The following ZNF521 variants were observed in gnomAD, a reference collection of about 807,000 sequenced individuals.
The protein encoded by ZNF521 is zinc finger protein 521.
In ZNF521, 14 loss-of-function variants were observed where a neutral mutation model predicts 105.5. The observed-to-expected ratio is 0.13, with a 90% CI of 0.09 to 0.21. The LOEUF (loss-of-function observed/expected upper bound fraction) is 0.21, where lower values mean the gene tolerates loss of function less well. Ranked by LOEUF, ZNF521 falls within the 10% of genes least tolerant of loss-of-function variation. The pLI is 1.00. For missense variants in ZNF521, 1,233 were observed against 1,629.7 expected, an observed-to-expected ratio of 0.76 and a Z score of 4.19; for synonymous variants, 635 against 606.0, an observed-to-expected ratio of 1.05 and a Z score of -0.70.
chr18:25,286,898 G>A (rs1910735554), intron 3 of ZNF521, among the ~76,000 whole-genome samples: 1 of 152,160 alleles, frequency 6.6e-6, no homozygotes, highest in Admixed American at 6.5e-5. Context: ...ACATACAAGG[G>A]TGGTTTCAAT....
At chr18:25,096,884 G>A (rs2033862886) in intron 5 of ZNF521, among the ~76,000 whole-genome samples, 1 of 152,138 alleles carries the variant, frequency 6.6e-6, no homozygotes, top group South Asian at 2.1e-4. Flanking sequence ...TGATCTGAGT[G>A]GGAGTAAACT....
rs113622301 is a variant in ZNF521, at chr18:25,113,749, G to A, written c.3659-21668C>T. Among the ~76,000 whole-genome samples the A allele has an allele frequency of 1.4e-4, 7 of 48,444 alleles. 1 individual carries two copies. The highest frequency in any genetic ancestry group is 1.2e-3 in the South Asian group (1 of 810). The allele number at this position is 48,444 out of a possible 152,430, so 31.8% of individuals were successfully genotyped here. A position where few individuals can be genotyped will look rare whatever the true frequency, so the allele number is the denominator to read the frequency against. On this transcript the variant is annotated intron_variant, in intron 5 of 7. Transcript: ENST00000361524. The stretch of plus-strand genomic sequence containing the variant: ...AGACAGACAGACAGGCAGGCAGACC[G>A]AAGGACGGACGGACACACACACACA...
intron 7 of ZNF521, among the ~76,000 whole-genome samples, chr18:25,063,455 T>C (rs1489615468): frequency 6.6e-6 from 1 of 152,170 alleles, no homozygotes; most frequent in African/African-American, 2.4e-5. Context: ...TGCTGTATAT[T>C]GGTGGTCCCT....
chr18:25,192,406 T>C lies in ZNF521; in HGVS notation c.3658+2754A>G, dbSNP rs979804836. On this transcript the variant is annotated intron_variant, in intron 5 of 7. Coordinates refer to ENST00000361524, the MANE Select transcript of ZNF521 (RefSeq NM_015461.3). ...AGACCAGCACATCCAGAAAGATGTG[T>C]GGCGGTTGCTTGACACTGAGATTGC... Among the ~76,000 whole-genome samples, 6 of 152,184 alleles carry C rather than the reference T, an allele frequency of 3.9e-5. 1 individual carries two copies. In the East Asian group the frequency reaches 9.7e-4, roughly 25 times the overall value.
At chr18:25,110,518 G>C (rs1050593327) in intron 5 of ZNF521, among the ~76,000 whole-genome samples, 1 of 152,178 alleles carries the variant, frequency 6.6e-6, no homozygotes, top group South Asian at 2.1e-4. Context: ...AGGGTTATAA[G>C]GGATTTCAAG....
At chr18:25,316,038 CCT>C (rs1912589361) in intron 3 of ZNF521, among the ~76,000 whole-genome samples, 1 of 152,060 alleles carries the variant, frequency 6.6e-6, no homozygotes, top group Non-Finnish European at 1.5e-5. Context: ...CTCAGGATTC[CCT>C]CTTTCTTTAC....
chr18:25,346,514 G>A (rs1914471715), intron 2 of ZNF521, among the ~76,000 whole-genome samples: 1 of 152,012 alleles, frequency 6.6e-6, no homozygotes, highest in Admixed American at 6.5e-5. Context: ...AAAGGTTTCA[G>A]GCTTAAAATC....
chr18:25,149,595 G>A (rs1448476370), intron 5 of ZNF521, among the ~76,000 whole-genome samples: 2 of 152,128 alleles, frequency 1.3e-5, no homozygotes, highest in Non-Finnish European at 2.9e-5. Flanking sequence ...GTTGCACCCC[G>A]ATGTTCTATC....
rs1433028031 is a variant in ZNF521 at position 25,252,500 on chromosome 18, CAG to C, written c.221-24805_221-24804del. The stretch of plus-strand genomic sequence containing the variant: ...AAATCTAATACTTCACGGAAAAATA[CAG>C]AGGACTACATTGCAACTTATTTACC... On this transcript the variant is annotated intron_variant, in intron 3 of 7. Transcript: ENST00000361524. 2.0e-5 allele frequency among the ~76,000 whole-genome samples: 3 copies of C among 151,940 alleles called. No homozygotes were observed. The East Asian group carries it at 5.8e-4, about 29-fold the overall frequency.
At chr18:25,264,530 T>C (rs550148446) in intron 3 of ZNF521, among the ~76,000 whole-genome samples, 69 of 152,318 alleles carry the variant, frequency 4.5e-4, no homozygotes, top group African/African-American at 1.6e-3. Flanking sequence ...TTTGTCCATA[T>C]TAAACATATT....
chr18:25,283,928 C>A (rs916396296), intron 3 of ZNF521, among the ~76,000 whole-genome samples: 3 of 141,758 alleles, frequency 2.1e-5, no homozygotes, highest in East Asian at 2.4e-4. Context: ...ACTTTCCCCC[C>A]CCCCCAAAAA....
In ZNF521 at chr18:25,292,053, T is replaced by C. The variant is rs183170116; in HGVS notation, c.220+29955A>G. On this transcript the variant is annotated intron_variant, in intron 3 of 7. Coordinates refer to ENST00000361524, the MANE Select transcript of ZNF521 (RefSeq NM_015461.3). ...TATTGAAAGAAAAAAAGGAGGGGAA[T>C]AAAAAGAAGAAAAAGTGCTATCCAA... Among the ~76,000 whole-genome samples, 27 of 152,196 alleles carry C rather than the reference T, an allele frequency of 1.8e-4. No individual in the cohort carries two copies. In the South Asian group the frequency reaches 5.2e-3, roughly 29 times the overall value.
intron 5 of ZNF521, among the ~76,000 whole-genome samples, chr18:25,186,044 A>G (rs2035716155): frequency 6.6e-6 from 1 of 152,210 alleles, no homozygotes; most frequent in Non-Finnish European, 1.5e-5. Flanking sequence ...TCAGGTTAAT[A>G]TGACTGAAAA....
At chr18:25,156,286 C>G (rs2035142988) in intron 5 of ZNF521, among the ~76,000 whole-genome samples, 1 of 152,148 alleles carries the variant, frequency 6.6e-6, no homozygotes, top group Admixed American at 6.5e-5. Context: ...ATTAGAATGG[C>G]AGAGCCAAAT....
intron 4 of ZNF521, among the ~76,000 whole-genome samples, chr18:25,218,318 G>T (rs1234375585): frequency 6.6e-6 from 1 of 151,786 alleles, no homozygotes; most frequent in Non-Finnish European, 1.5e-5. Context: ...GAAGATCAGA[G>T]ATTGAACTTA....
chr18:25,104,563 C>T (rs931825651), intron 5 of ZNF521, among the ~76,000 whole-genome samples: 1 of 152,178 alleles, frequency 6.6e-6, no homozygotes, highest in African/African-American at 2.4e-5. Context: ...ATGACCTGGC[C>T]TCTTGCCCTT....
chr18:25,165,811 T>C (rs1290677820), intron 5 of ZNF521, among the ~76,000 whole-genome samples: 4 of 152,242 alleles, frequency 2.6e-5, no homozygotes, highest in African/African-American at 9.6e-5. Context: ...AAATGTATCA[T>C]GACCAGCTTT....
At chr18:25,179,993 GATGTAT>G (rs1346111659) in intron 5 of ZNF521, among the ~76,000 whole-genome samples, 1 of 152,162 alleles carries the variant, frequency 6.6e-6, no homozygotes, top group Non-Finnish European at 1.5e-5. Context: ...TAAGACCTTT[GATGTAT>G]GTATTTTAAA....
chr18:25,174,258 G>A (rs754480496), intron 5 of ZNF521, among the ~76,000 whole-genome samples: 10 of 152,044 alleles, frequency 6.6e-5, no homozygotes, highest in Non-Finnish European at 1.0e-4. Flanking sequence ...GTTTCCTTTC[G>A]AGGAGCACTA....
Sources: allele counts gnomAD v4.1 joint callset (sites outside exome capture counted in the v4.1 genomes callset), GRCh38; gene constraint gnomAD v4.1.1; transcripts MANE v1.5; gene names NCBI Gene and HGNC (gene_info 2026-07-23, HGNC 2026-07-21).